Variants in CNST observed in about 807,000 individuals in gnomAD.
The protein encoded by CNST is consortin, connexin sorting protein.
In CNST, 39 loss-of-function variants were observed where a neutral mutation model predicts 72.4. That is an observed-to-expected ratio of 0.54 (90% CI 0.42 to 0.70). The LOEUF (loss-of-function observed/expected upper bound fraction) is 0.70, where lower values mean the gene tolerates loss of function less well. Among genes scored for constraint, CNST ranks in the 30% least tolerant of loss-of-function variants. The probability of loss-of-function intolerance (pLI) is 0.00; values close to 1 mark genes in which losing one functional copy is unlikely to be tolerated. For missense variants in CNST, 871 were observed against 868.5 expected (o/e 1.00, Z -0.04); for synonymous variants, 332 against 320.1 (o/e 1.04, Z -0.40).
In CNST at chr1:246,566,497, G is replaced by A. The variant is rs1300599251; in HGVS notation, c.-218G>A. 4 of 438,748 alleles carry A rather than the reference G, an allele frequency of 9.1e-6. No individual in the cohort carries two copies. Among genetic ancestry groups the A allele is most frequent in the African/African-American group, 2.0e-5 (1 of 50,310 alleles). The allele number at this position is 438,748 out of a possible 1,614,324, so 27.2% of individuals were successfully genotyped here. A position where few individuals can be genotyped will look rare whatever the true frequency, so the allele number is the denominator to read the frequency against. On this transcript the variant is annotated 5_prime_UTR_variant, in exon 1 of 11. Transcript: ENST00000366513. Reference sequence around the variant, plus strand: ...AGCCTCCAGCCGGCCAGCCGCGAGGGGTGCGCAGAGGGAGGCGGGGCGGAA... The same window carrying A: ...AGCCTCCAGCCGGCCAGCCGCGAGGAGTGCGCAGAGGGAGGCGGGGCGGAA...
At chr1:246,661,240 T>A (rs1193897832) in intron 10 of CNST, among the ~76,000 whole-genome samples, 1 of 152,128 alleles carries the variant, frequency 6.6e-6, no homozygotes, top group Non-Finnish European at 1.5e-5. Flanking sequence ...CCTCCCAAAG[T>A]GCTAGGATTA....
In CNST at chr1:246,633,156, G is replaced by A. The variant is rs537421398; in HGVS notation, c.617-768G>A. On this transcript the variant is annotated intron_variant, in intron 4 of 10. Coordinates refer to ENST00000366513, the MANE Select transcript of CNST (RefSeq NM_152609.3). ...TAAAATTTACCTACTTCAAAACCAA[G>A]AAACATTACTAGGCTGGGCGCAGTG... is the stretch of plus-strand genomic sequence containing the variant. Among the ~76,000 whole-genome samples, 237 of 152,240 alleles carry A rather than the reference G, an allele frequency of 1.6e-3. 3 individuals carry two copies. In the Middle Eastern group the frequency reaches 0.02, roughly 13 times the overall value.
intron 1 of CNST, among the ~76,000 whole-genome samples, chr1:246,577,860 A>G (rs1660527624): frequency 6.6e-6 from 1 of 152,044 alleles, no homozygotes; most frequent in Non-Finnish European, 1.5e-5. Flanking sequence ...TTACTAATTC[A>G]TGCTTCTTTT....
rs1667384478 is a variant in CNST, at chr1:246,666,226, C to G, written c.*321C>G. Reference sequence around the variant, plus strand: ...GTAGTCTTAACCACACTATTTTTAGCTACCTTGTCAAGCTAATGGTTAAAG... The same window carrying G: ...GTAGTCTTAACCACACTATTTTTAGGTACCTTGTCAAGCTAATGGTTAAAG... On this transcript the variant is annotated 3_prime_UTR_variant, in exon 11 of 11. Transcript: ENST00000366513. The G allele has an allele frequency of 4.7e-6, 1 of 213,034 alleles. No individual in the cohort carries two copies. Among genetic ancestry groups the G allele is most frequent in the Non-Finnish European group, 9.3e-6 (1 of 107,618 alleles). 13.2% of individuals were successfully genotyped at this position (213,034 alleles called of 1,614,324 possible).
At chr1:246,588,150 T>C (rs1433189899) in intron 1 of CNST, among the ~76,000 whole-genome samples, 1 of 152,114 alleles carries the variant, frequency 6.6e-6, no homozygotes, top group Non-Finnish European at 1.5e-5. Context: ...TTATTTTTAT[T>C]AAAGAAATGT....
intron 1 of CNST, among the ~76,000 whole-genome samples, chr1:246,584,652 A>G (rs1194191392): frequency 2.6e-5 from 4 of 152,190 alleles, no homozygotes; most frequent in African/African-American, 7.2e-5. Flanking sequence ...ATGGAGACGG[A>G]GTGTGTAGTG....
At position 246,600,005 on chromosome 1, in the gene CNST, G is replaced by C. The variant is rs141137798; in HGVS notation, c.379+8064G>C. On this transcript the variant is annotated intron_variant, in intron 2 of 10. Transcript: ENST00000366513. ...AGTCATAAGTAAGCACATGGTCGTG[G>C]AGGTAACCTGTCCTGGAGAGTTAGA... Among the ~76,000 whole-genome samples, 22 of 152,300 alleles carry C rather than the reference G, an allele frequency of 1.4e-4. No homozygotes were observed. The East Asian group carries it at 4.1e-3, about 28-fold the overall frequency.
intron 1 of CNST, among the ~76,000 whole-genome samples, chr1:246,570,235 T>A (rs539965812): frequency 6.6e-6 from 1 of 152,326 alleles, no homozygotes; most frequent in East Asian, 1.9e-4. Context: ...TCAAGTTGTT[T>A]TTGCAACAAG....
At chr1:246,599,490 T>A (rs987091410) in intron 2 of CNST, among the ~76,000 whole-genome samples, 6 of 152,222 alleles carry the variant, frequency 3.9e-5, no homozygotes, top group Non-Finnish European at 7.3e-5. Flanking sequence ...GGCTTTGAAG[T>A]GAGCTCAAGT....
chr1:246,590,859 C>G (rs1223665885), intron 1 of CNST, among the ~76,000 whole-genome samples: 2 of 135,792 alleles, frequency 1.5e-5, no homozygotes, highest in Non-Finnish European at 1.6e-5. Context: ...TAACCATGGC[C>G]TTTTTTTTTT....
Position 246,657,410 on chromosome 1 carries a change from C to T in CNST, c.1837-2789C>T, listed in dbSNP as rs189680687. ...GGAAATGATGGAAAAGAGCAGACTC[C>T]TTCACTTCAGACACTGGGGCAGGCC... On this transcript the variant is annotated intron_variant, in intron 9 of 10. Coordinates refer to ENST00000366513, the MANE Select transcript of CNST (RefSeq NM_152609.3). Among the ~76,000 whole-genome samples the T allele has an allele frequency of 3.2e-3, 487 of 152,272 alleles. 4 individuals carry two copies. The highest frequency in any genetic ancestry group is 4.7e-3 in the Non-Finnish European group (322 of 68,024).
At chr1:246,624,987 G>A (rs1005362743) in intron 3 of CNST, among the ~76,000 whole-genome samples, 1 of 152,060 alleles carries the variant, frequency 6.6e-6, no homozygotes, top group Non-Finnish European at 1.5e-5. Context: ...GCACACACAC[G>A]TATTTTTTCC....
chr1:246,664,501 A>C (rs1183154508), intron 10 of CNST, among the ~76,000 whole-genome samples: 1 of 150,940 alleles, frequency 6.6e-6, no homozygotes, highest in East Asian at 1.9e-4. Flanking sequence ...ATCTCAGCTC[A>C]CTGCAACCTC....
chr1:246,595,271 C>T (rs1019496680), intron 2 of CNST, among the ~76,000 whole-genome samples: 6 of 152,122 alleles, frequency 3.9e-5, no homozygotes, highest in African/African-American at 1.4e-4. Flanking sequence ...GCCTGGAAAG[C>T]TTCCCTCAGA....
intron 1 of CNST, among the ~76,000 whole-genome samples, chr1:246,587,625 T>A (rs1018133695): frequency 6.6e-6 from 1 of 152,234 alleles, no homozygotes; most frequent in African/African-American, 2.4e-5. Flanking sequence ...CTCTTTTGTT[T>A]ATTTAAGTAA....
intron 2 of CNST, among the ~76,000 whole-genome samples, chr1:246,597,343 CT>C (rs1318713341): frequency 6.6e-6 from 1 of 152,102 alleles, no homozygotes; most frequent in Non-Finnish European, 1.5e-5. Flanking sequence ...ACATTTTATC[CT>C]CCAGGAAGAA....
intron 3 of CNST, among the ~76,000 whole-genome samples, chr1:246,629,236 T>C (rs951308396): frequency 6.6e-6 from 1 of 152,120 alleles, no homozygotes; most frequent in South Asian, 2.1e-4. Flanking sequence ...GCCATTCACC[T>C]CCAACCCCAT....
At chr1:246,625,570 T>C (rs1664370457) in intron 3 of CNST, among the ~76,000 whole-genome samples, 1 of 151,614 alleles carries the variant, frequency 6.6e-6, no homozygotes, top group South Asian at 2.1e-4. Context: ...TACAGGCCCG[T>C]GCCACCACGC....
At chr1:246,603,752 T>G (rs1365812299) in intron 2 of CNST, among the ~76,000 whole-genome samples, 3 of 152,024 alleles carry the variant, frequency 2.0e-5, no homozygotes, top group African/African-American at 7.3e-5. Context: ...AGTAGATGAG[T>G]TGGCTGCCTA....
Sources: allele counts gnomAD v4.1 joint callset (sites outside exome capture counted in the v4.1 genomes callset), GRCh38; gene constraint gnomAD v4.1.1; transcripts MANE v1.5; gene names NCBI Gene and HGNC (gene_info 2026-07-23, HGNC 2026-07-21).